Variants in ZBTB20 observed in about 807,000 individuals in gnomAD.
The protein encoded by ZBTB20 is zinc finger and BTB domain-containing protein 20.
In ZBTB20, 9 loss-of-function variants were observed where a neutral mutation model predicts 56.9. The ratio of observed to expected loss-of-function variants is 0.16; its 90% CI spans 0.10 to 0.28. The LOEUF (loss-of-function observed/expected upper bound fraction) is 0.28, where lower values mean the gene tolerates loss of function less well. Among genes scored for constraint, ZBTB20 ranks in the 10% least tolerant of loss-of-function variants. The pLI is 1.00. For synonymous variants in ZBTB20, 417 were observed against 420.7 expected (o/e 0.99, Z 0.11); for missense variants, 655 against 1,003.0 (o/e 0.65, Z 4.69).
intron 1 of ZBTB20, among the ~76,000 whole-genome samples, chr3:115,139,222 T>C (rs186357038): frequency 3.3e-5 from 5 of 152,084 alleles, no homozygotes; most frequent in African/African-American, 9.6e-5. Context: ...GGATTCAGGA[T>C]AGTATAGCTT....
intron 1 of ZBTB20, among the ~76,000 whole-genome samples, chr3:115,108,320 T>C (rs1379113830): frequency 6.6e-6 from 1 of 152,166 alleles, no homozygotes; most frequent in Non-Finnish European, 1.5e-5. Context: ...AATGGAATTG[T>C]CCTCTTTGAG....
chr3:114,696,253 T>C (rs1018488693), intron 5 of ZBTB20, among the ~76,000 whole-genome samples: 1 of 152,106 alleles, frequency 6.6e-6, no homozygotes, highest in Non-Finnish European at 1.5e-5. Flanking sequence ...TTCATAACTT[T>C]AGTAAAATTA....
intron 6 of ZBTB20, among the ~76,000 whole-genome samples, chr3:114,585,367 T>C (rs2055073416): frequency 6.6e-6 from 1 of 152,154 alleles, no homozygotes; most frequent in Admixed American, 6.5e-5. Flanking sequence ...AAGCTACTGA[T>C]GACAGGAACT....
At position 114,316,647 on chromosome 3, in the gene ZBTB20, T is replaced by C; in HGVS notation, c.*22358A>G. 2.0e-6 allele frequency: 1 copy of C among 497,614 alleles called. No homozygotes were observed. Among genetic ancestry groups the C allele is most frequent in the Middle Eastern group, 3.4e-4 (1 of 2,972 alleles). The allele number at this position is 497,614 out of a possible 1,614,324, so 30.8% of individuals were successfully genotyped here. A position where few individuals can be genotyped will look rare whatever the true frequency, so the allele number is the denominator to read the frequency against. On this transcript the variant is annotated 3_prime_UTR_variant, in exon 12 of 12. Transcript: ENST00000675478. ...TTTCCCCTGCTCCCTCTGTATATTTTAAACAGTCTGGAGCTTTAATTTATT... is the reference window on the plus strand; with the variant it reads ...TTTCCCCTGCTCCCTCTGTATATTTCAAACAGTCTGGAGCTTTAATTTATT...
At chr3:115,008,677 AG>A (rs1393960869) in intron 2 of ZBTB20, among the ~76,000 whole-genome samples, 3 of 151,870 alleles carry the variant, frequency 2.0e-5, no homozygotes, top group Non-Finnish European at 2.9e-5. Flanking sequence ...CACTTCTGTA[AG>A]TTTTGTATTT....
At chr3:115,098,212 G>A (rs914974034) in intron 1 of ZBTB20, among the ~76,000 whole-genome samples, 3 of 152,122 alleles carry the variant, frequency 2.0e-5, no homozygotes, top group African/African-American at 7.2e-5. Context: ...ACATGCACAT[G>A]TATGCACAGA....
intron 3 of ZBTB20, among the ~76,000 whole-genome samples, chr3:114,909,372 CA>C (rs2075440034): frequency 6.6e-6 from 1 of 151,844 alleles, no homozygotes; most frequent in Admixed American, 6.6e-5. Flanking sequence ...AGTGTTATTA[CA>C]AAAAATTCAA....
chr3:114,915,127 A>T (rs763752532), intron 3 of ZBTB20, among the ~76,000 whole-genome samples: 1 of 151,670 alleles, frequency 6.6e-6, no homozygotes, highest in Non-Finnish European at 1.5e-5. Context: ...TCTATTTTTC[A>T]GAATAGTTTG....
At chr3:114,606,307 A>G (rs569004869) in intron 6 of ZBTB20, among the ~76,000 whole-genome samples, 4 of 152,286 alleles carry the variant, frequency 2.6e-5, no homozygotes, top group South Asian at 4.1e-4. Context: ...AAAGATACCA[A>G]TCAGTTGCTG....
chr3:114,399,763 A>C (rs1236688191), intron 7 of ZBTB20, among the ~76,000 whole-genome samples: 1 of 152,078 alleles, frequency 6.6e-6, no homozygotes, highest in Non-Finnish European at 1.5e-5. Flanking sequence ...TTTGTAGTAA[A>C]AATAAATAGT....
chr3:114,790,806 C>A (rs1277910151), intron 5 of ZBTB20, among the ~76,000 whole-genome samples: 3 of 151,006 alleles, frequency 2.0e-5, no homozygotes, highest in Non-Finnish European at 4.4e-5. Context: ...AGAGAAACTT[C>A]TCAGAGAATT....
intron 3 of ZBTB20, among the ~76,000 whole-genome samples, chr3:114,940,061 GTA>G (rs1268839456): frequency 7.4e-6 from 1 of 135,392 alleles, no homozygotes; most frequent in Non-Finnish European, 1.5e-5. Context: ...TATCTTCTGT[GTA>G]TGTAAGTATG....
chr3:114,913,070 C>G (rs1353143220), intron 3 of ZBTB20, among the ~76,000 whole-genome samples: 1 of 151,980 alleles, frequency 6.6e-6, no homozygotes, highest in Non-Finnish European at 1.5e-5. Context: ...CTTCAATATA[C>G]TGATTTCCTT....
At chr3:114,882,338 T>C (rs1437550671) in intron 4 of ZBTB20, among the ~76,000 whole-genome samples, 1 of 152,084 alleles carries the variant, frequency 6.6e-6, no homozygotes, top group African/African-American at 2.4e-5. Flanking sequence ...GGAATTCTCA[T>C]ATAATGTTGT....
intron 2 of ZBTB20, among the ~76,000 whole-genome samples, chr3:115,060,596 A>G (rs578133131): frequency 1.4e-4 from 21 of 152,282 alleles, no homozygotes; most frequent in African/African-American, 5.1e-4. Context: ...TCAAAAAGAT[A>G]TCCCACAGTG....
At chr3:114,755,309 C>G (rs2108671011) in intron 5 of ZBTB20, among the ~76,000 whole-genome samples, 1 of 152,194 alleles carries the variant, frequency 6.6e-6, no homozygotes, top group South Asian at 2.1e-4. Flanking sequence ...GCTAAGACTT[C>G]TCAAAATGAA....
At chr3:115,053,719 A>G (rs2081640982) in intron 2 of ZBTB20, among the ~76,000 whole-genome samples, 1 of 152,164 alleles carries the variant, frequency 6.6e-6, no homozygotes, top group African/African-American at 2.4e-5. Flanking sequence ...AAACCTGCAA[A>G]TAATTTGTTC....
At chr3:114,785,612 T>A (rs2070421378) in intron 5 of ZBTB20, among the ~76,000 whole-genome samples, 2 of 152,078 alleles carry the variant, frequency 1.3e-5, no homozygotes, top group Admixed American at 1.3e-4. Context: ...TGTTTTGGAG[T>A]AGTTTTCAGT....
chr3:115,082,437 T>C (rs2082831355), intron 1 of ZBTB20, among the ~76,000 whole-genome samples: 1 of 152,144 alleles, frequency 6.6e-6, no homozygotes, highest in Non-Finnish European at 1.5e-5. Context: ...CTTGCTGCAC[T>C]TTGCTTATAA....
Sources: allele counts gnomAD v4.1 joint callset (sites outside exome capture counted in the v4.1 genomes callset), GRCh38; gene constraint gnomAD v4.1.1; transcripts MANE v1.5; gene names NCBI Gene and HGNC (gene_info 2026-07-23, HGNC 2026-07-21).